SPAG16: variants seen among roughly 807,000 people sequenced by gnomAD.
SPAG16 encodes the protein sperm-associated antigen 16 protein.
A neutral mutation model predicts 80.4 loss-of-function variants in SPAG16; 86 were observed. The ratio of observed to expected loss-of-function variants is 1.07; its 90% confidence interval spans 0.90 to 1.28. The LOEUF (loss-of-function observed/expected upper bound fraction) is 1.28, where lower values mean the gene tolerates loss of function less well. Ranked by LOEUF, SPAG16 falls within the 50% of genes most tolerant of loss-of-function variation. SPAG16 has a pLI of 0.00. For missense variants in SPAG16, 870 were observed against 765.3 expected, an observed-to-expected ratio of 1.14 and a Z score of -1.61; for synonymous variants, 294 against 265.9, an observed-to-expected ratio of 1.11 and a Z score of -1.03.
intron 10 of SPAG16, among the ~76,000 whole-genome samples, chr2:213,825,287 A>C (rs1199630691): frequency 6.6e-6 from 1 of 152,138 alleles, no homozygotes; most frequent in Non-Finnish European, 1.5e-5. Flanking sequence ...GGCAGTGGGC[A>C]TCTGTGTCAT....
chr2:214,058,195 A>C (rs1053751206), intron 13 of SPAG16, among the ~76,000 whole-genome samples: 1 of 152,130 alleles, frequency 6.6e-6, no homozygotes, highest in South Asian at 2.1e-4. Context: ...GTAAGTGTAC[A>C]TGCCTTCCTC....
At chr2:214,351,487 G>T (rs188155138) in intron 15 of SPAG16, among the ~76,000 whole-genome samples, 1 of 152,070 alleles carries the variant, frequency 6.6e-6, no homozygotes, top group Admixed American at 6.6e-5. Context: ...GGATCACGAG[G>T]TCAGGAGATC....
intron 10 of SPAG16, among the ~76,000 whole-genome samples, chr2:213,714,940 G>A (rs935651307): frequency 6.6e-6 from 1 of 152,162 alleles, no homozygotes; most frequent in African/African-American, 2.4e-5. Flanking sequence ...CAATAACAAA[G>A]TTGCTTCTAC....
chr2:214,159,018 G>A (rs1006594260), intron 15 of SPAG16, among the ~76,000 whole-genome samples: 9 of 151,850 alleles, frequency 5.9e-5, no homozygotes, highest in African/African-American at 2.2e-4. Flanking sequence ...TATCTATGTG[G>A]CAAGTATGAG....
chr2:213,366,275 AT>A (rs1223626587), intron 8 of SPAG16, among the ~76,000 whole-genome samples: 1 of 152,146 alleles, frequency 6.6e-6, no homozygotes, highest in Non-Finnish European at 1.5e-5. Context: ...ATGGCCCCAA[AT>A]TTCCCCAAAT....
At chr2:213,412,322 A>G (rs2069020318) in intron 9 of SPAG16, among the ~76,000 whole-genome samples, 1 of 152,174 alleles carries the variant, frequency 6.6e-6, no homozygotes, top group Admixed American at 6.5e-5. Context: ...CAGGGGCCAC[A>G]TGTGTCAGGG....
At chr2:213,608,724 C>T (rs1255076810) in intron 10 of SPAG16, among the ~76,000 whole-genome samples, 1 of 152,210 alleles carries the variant, frequency 6.6e-6, no homozygotes, top group African/African-American at 2.4e-5. Flanking sequence ...CGCTCTGTCC[C>T]CCCAGGCTGG....
At position 214,316,644 on chromosome 2, in the gene SPAG16, TATTAA is replaced by T. The variant is rs1184014196; in HGVS notation, c.1721-93492_1721-93488del. On this transcript the variant is annotated intron_variant, in intron 15 of 15. Coordinates refer to ENST00000331683, the MANE Select transcript of SPAG16 (RefSeq NM_024532.5). ...TAACTTTTATAGAAAATATTTTCTA[TATTAA>T]ATTCTATAACTCTAATCCAAATTTG... Among the ~76,000 whole-genome samples, 5 of 152,338 alleles carry T rather than the reference TATTAA, an allele frequency of 3.3e-5. No homozygotes were observed. The South Asian group carries it at 1.0e-3, about 32-fold the overall frequency.
chr2:213,899,845 A>G (rs2077145734), intron 11 of SPAG16, among the ~76,000 whole-genome samples: 1 of 152,046 alleles, frequency 6.6e-6, no homozygotes, highest in Non-Finnish European at 1.5e-5. Flanking sequence ...TTACCTTCCA[A>G]ATGTTATCTA....
intron 15 of SPAG16, among the ~76,000 whole-genome samples, chr2:214,329,896 G>C (rs967082137): frequency 6.6e-6 from 1 of 152,152 alleles, no homozygotes; most frequent in African/African-American, 2.4e-5. Flanking sequence ...CAGCTTGAAA[G>C]TCTAGGTATG....
chr2:213,451,825 G>T (rs1261138282), intron 9 of SPAG16, among the ~76,000 whole-genome samples: 1 of 152,126 alleles, frequency 6.6e-6, no homozygotes, highest in Non-Finnish European at 1.5e-5. Flanking sequence ...CTTAGTTTGT[G>T]CTGCTCTGCG....
At chr2:214,102,830 G>C (rs1298082601) in intron 13 of SPAG16, among the ~76,000 whole-genome samples, 3 of 152,076 alleles carry the variant, frequency 2.0e-5, no homozygotes, top group African/African-American at 7.2e-5. Flanking sequence ...ATTTTAAAAG[G>C]CTTTAGAATA....
intron 10 of SPAG16, among the ~76,000 whole-genome samples, chr2:213,693,226 C>T (rs1266443122): frequency 2.6e-5 from 4 of 152,198 alleles, no homozygotes; most frequent in South Asian, 2.1e-4. Context: ...TGAATTCAGT[C>T]GTAGGGCACA....
At chr2:214,058,587 A>G (rs1188648801) in intron 13 of SPAG16, among the ~76,000 whole-genome samples, 7 of 152,288 alleles carry the variant, frequency 4.6e-5, no homozygotes, top group Admixed American at 1.3e-4. Context: ...AAGTGAGCAC[A>G]TGCAGACGGC....
intron 15 of SPAG16, among the ~76,000 whole-genome samples, chr2:214,286,864 A>G (rs796260733): frequency 2.6e-5 from 4 of 152,344 alleles, no homozygotes; most frequent in African/African-American, 9.6e-5. Context: ...AATGCTACCC[A>G]TAGTAGGCTA....
At chr2:214,335,071 G>C (rs1339992448) in intron 15 of SPAG16, among the ~76,000 whole-genome samples, 2 of 152,210 alleles carry the variant, frequency 1.3e-5, no homozygotes, top group African/African-American at 4.8e-5. Context: ...GAACAGTAAT[G>C]AACTTGCAAC....
intron 12 of SPAG16, among the ~76,000 whole-genome samples, chr2:213,958,928 T>C (rs1487560080): frequency 6.6e-6 from 1 of 152,230 alleles, no homozygotes; most frequent in Non-Finnish European, 1.5e-5. Flanking sequence ...CGTACATTTC[T>C]TTCAGGGCAG....
chr2:213,511,392 A>C (rs1415823097), intron 10 of SPAG16, among the ~76,000 whole-genome samples: 1 of 152,152 alleles, frequency 6.6e-6, no homozygotes, highest in East Asian at 1.9e-4. Flanking sequence ...GAAAAAATGT[A>C]TAGTTAAATA....
intron 10 of SPAG16, among the ~76,000 whole-genome samples, chr2:213,804,547 G>A (rs749592659): frequency 2.0e-5 from 3 of 152,178 alleles, no homozygotes; most frequent in Non-Finnish European, 4.4e-5. Context: ...GTTGGGCGTG[G>A]TGGCAGGCGC....
Sources: allele counts gnomAD v4.1 joint callset (sites outside exome capture counted in the v4.1 genomes callset), GRCh38; gene constraint gnomAD v4.1.1; transcripts MANE v1.5; gene names NCBI Gene and HGNC (gene_info 2026-07-23, HGNC 2026-07-21).